CSMD1: variants seen among roughly 807,000 people sequenced by gnomAD.
CSMD1 encodes CUB and sushi domain-containing protein 1.
Under a neutral mutation model 417.5 loss-of-function variants are expected in CSMD1, and 213 were observed. The observed-to-expected ratio is 0.51, with a 90% confidence interval of 0.46 to 0.57. The LOEUF is 0.57. Ranked by LOEUF, CSMD1 falls within the 20% of genes least tolerant of loss-of-function variation. The pLI, the probability that CSMD1 is intolerant of heterozygous loss-of-function variation, is 0.00. For missense variants in CSMD1, 6,923 were observed against 4,529.7 expected (o/e 1.53, Z -15.17); for synonymous variants, 2,862 against 1,736.8 (o/e 1.65, Z -16.11).
At chr8:3,494,917 C>G (rs541780905) in intron 10 of CSMD1, among the ~76,000 whole-genome samples, 1 of 152,194 alleles carries the variant, frequency 6.6e-6, no homozygotes, top group Non-Finnish European at 1.5e-5. Flanking sequence ...AGAAGACAGA[C>G]TTCCCACTAA....
chr8:4,676,954 A>G (rs1190361475), intron 1 of CSMD1, among the ~76,000 whole-genome samples: 3 of 146,958 alleles, frequency 2.0e-5, no homozygotes, highest in East Asian at 1.9e-4. Context: ...GAAATTATAT[A>G]TATCTATCAT....
At chr8:3,886,259 G>A (rs1806556727) in intron 5 of CSMD1, among the ~76,000 whole-genome samples, 1 of 152,060 alleles carries the variant, frequency 6.6e-6, no homozygotes, top group Non-Finnish European at 1.5e-5. Flanking sequence ...ATGTTGGCCT[G>A]GCTGGTCTCA....
chr8:3,494,593 TAG>T (rs1563092122), intron 10 of CSMD1, among the ~76,000 whole-genome samples: 25 of 148,404 alleles, frequency 1.7e-4, no homozygotes, highest in Non-Finnish European at 6.0e-5. Flanking sequence ...GATAGATAGA[TAG>T]ATAGATAGAT....
chr8:3,083,197 T>C (rs184950501), intron 49 of CSMD1, among the ~76,000 whole-genome samples: 3 of 152,070 alleles, frequency 2.0e-5, no homozygotes, highest in Non-Finnish European at 4.4e-5. Flanking sequence ...TAAACAAAAA[T>C]GCTAGTTTTT....
At chr8:4,145,512 C>A (rs183744544) in intron 3 of CSMD1, among the ~76,000 whole-genome samples, 1 of 151,000 alleles carries the variant, frequency 6.6e-6, no homozygotes, top group Non-Finnish European at 1.5e-5. Context: ...CACCCTCAAA[C>A]ATTGTCATCT....
At chr8:4,217,078 C>T (rs542468876) in intron 3 of CSMD1, among the ~76,000 whole-genome samples, 4 of 152,152 alleles carry the variant, frequency 2.6e-5, no homozygotes, top group South Asian at 2.1e-4. Flanking sequence ...GTCTGTTATA[C>T]AATATAGTAG....
At chr8:4,785,626 A>G (rs1393692110) in intron 1 of CSMD1, among the ~76,000 whole-genome samples, 1 of 152,122 alleles carries the variant, frequency 6.6e-6, no homozygotes, top group Non-Finnish European at 1.5e-5. Context: ...CTCAGCTCAC[A>G]CACAGACTCA....
chr8:4,279,974 A>C lies in CSMD1; in HGVS notation c.415+139979T>G, dbSNP rs188082591. On this transcript the variant is annotated intron_variant, in intron 3 of 69. Coordinates refer to ENST00000635120, the MANE Select transcript of CSMD1 (RefSeq NM_033225.6). The stretch of plus-strand genomic sequence containing the variant: ...CATAGGGGCAAGAACATCAAAGGAT[A>C]CTGGTGTTTCAAACAGAAACACAGG... 3.8e-3 allele frequency among the ~76,000 whole-genome samples: 578 copies of C among 152,352 alleles called. 5 individuals are homozygous for C. Among genetic ancestry groups the C allele is most frequent in the African/African-American group, 0.013 (551 of 41,586 alleles).
intron 48 of CSMD1, among the ~76,000 whole-genome samples, chr8:3,089,704 G>C (rs560678993): frequency 1.3e-5 from 2 of 152,016 alleles, no homozygotes; most frequent in African/African-American, 4.8e-5. Context: ...GATAGATAAA[G>C]AATTTTTTAT....
intron 1 of CSMD1, among the ~76,000 whole-genome samples, chr8:4,723,090 C>T (rs190710088): frequency 1.3e-5 from 2 of 152,236 alleles, no homozygotes; most frequent in Non-Finnish European, 2.9e-5. Context: ...AGCTTTCTGT[C>T]TGGATACTTA....
chr8:3,963,426 T>C (rs1216258911), intron 5 of CSMD1, among the ~76,000 whole-genome samples: 3 of 152,170 alleles, frequency 2.0e-5, no homozygotes, highest in Admixed American at 6.5e-5. Context: ...CTTGAAAATA[T>C]CTCGCTGGTC....
intron 2 of CSMD1, among the ~76,000 whole-genome samples, chr8:4,430,011 TC>T (rs1480582043): frequency 2.6e-5 from 4 of 152,060 alleles, no homozygotes; most frequent in African/African-American, 9.7e-5. Flanking sequence ...TTAAGTGCCT[TC>T]CCACTGAAAT....
chr8:4,159,956 G>T (rs542254790), intron 3 of CSMD1, among the ~76,000 whole-genome samples: 2 of 152,188 alleles, frequency 1.3e-5, no homozygotes, highest in South Asian at 2.1e-4. Flanking sequence ...GTGGGAGGGG[G>T]TGAGGGATAA....
intron 3 of CSMD1, among the ~76,000 whole-genome samples, chr8:4,414,618 T>C (rs1228638652): frequency 6.6e-6 from 1 of 152,190 alleles, no homozygotes; most frequent in Non-Finnish European, 1.5e-5. Context: ...AACTTCTGCA[T>C]GCGTGGGTGT....
At chr8:4,407,468 G>A (rs974125017) in intron 3 of CSMD1, among the ~76,000 whole-genome samples, 9 of 152,230 alleles carry the variant, frequency 5.9e-5, no homozygotes, top group South Asian at 2.1e-4. Context: ...GTTGTAAAAC[G>A]TAATTTTGTA....
chr8:4,342,122 T>TA (rs1326733757), intron 3 of CSMD1, among the ~76,000 whole-genome samples: 1 of 152,056 alleles, frequency 6.6e-6, no homozygotes, highest in Non-Finnish European at 1.5e-5. Context: ...CCACAATCTC[T>TA]AACAAGACAA....
intron 10 of CSMD1, among the ~76,000 whole-genome samples, chr8:3,503,675 C>G (rs1391559329): frequency 6.6e-6 from 1 of 152,180 alleles, no homozygotes; most frequent in Non-Finnish European, 1.5e-5. Flanking sequence ...AGTCTCAGCT[C>G]AAGACAGCTA....
intron 10 of CSMD1, among the ~76,000 whole-genome samples, chr8:3,503,727 G>A (rs1330145980): frequency 6.6e-6 from 1 of 152,188 alleles, no homozygotes; most frequent in African/African-American, 2.4e-5. Context: ...GGATTCCTGA[G>A]AAGACCTGGC....
chr8:3,384,907 G>A (rs1428909764), intron 18 of CSMD1, among the ~76,000 whole-genome samples: 1 of 117,940 alleles, frequency 8.5e-6, no homozygotes, highest in Non-Finnish European at 1.6e-5. Flanking sequence ...TATTATATAT[G>A]CTTATATATT....
Sources: allele counts gnomAD v4.1 joint callset (sites outside exome capture counted in the v4.1 genomes callset), GRCh38; gene constraint gnomAD v4.1.1; transcripts MANE v1.5; gene names NCBI Gene and HGNC (gene_info 2026-07-23, HGNC 2026-07-21).